Variants in ADAMTSL1 observed in about 807,000 individuals in gnomAD.
ADAMTSL1 encodes ADAMTS-like protein 1.
ADAMTSL1 carries 126 observed loss-of-function variants against 201.8 expected under a neutral mutation model. The ratio of observed to expected loss-of-function variants is 0.62; its 90% confidence interval spans 0.54 to 0.72. ADAMTSL1 has a LOEUF of 0.72. Ranked by LOEUF, ADAMTSL1 falls within the 30% of genes least tolerant of loss-of-function variation. ADAMTSL1 has a pLI of 0.00. For missense variants in ADAMTSL1, 2,679 were observed against 2,277.8 expected (o/e 1.18, Z -3.59); for synonymous variants, 1,121 against 903.4 (o/e 1.24, Z -4.32).
intron 2 of ADAMTSL1, among the ~76,000 whole-genome samples, chr9:18,423,630 A>G (rs1485053659): frequency 1.3e-5 from 2 of 152,342 alleles, no homozygotes; most frequent in East Asian, 1.9e-4. Flanking sequence ...AACATAAAGA[A>G]AGCAACATAA....
At chr9:18,296,933 T>G (rs2383067) in intron 2 of ADAMTSL1, among the ~76,000 whole-genome samples, 2,219 of 152,278 alleles carry the variant, frequency 0.015, 63 homozygotes, top group African/African-American at 0.051. Context: ...TGCTGGCAAA[T>G]GCTGAAGTTG....
intron 2 of ADAMTSL1, among the ~76,000 whole-genome samples, chr9:18,367,251 C>A (rs1836808531): frequency 6.6e-6 from 1 of 152,114 alleles, no homozygotes; most frequent in Non-Finnish European, 1.5e-5. Context: ...TAAAACAAAT[C>A]TAAGATACAA....
rs114613313 is a variant in ADAMTSL1 at position 18,878,528 on chromosome 9, A to G, written c.4250-9303A>G. On this transcript the variant is annotated intron_variant, in intron 23 of 28. Coordinates refer to ENST00000380548, the MANE Select transcript of ADAMTSL1 (RefSeq NM_001040272.6). ...CTCTAAATTAATCTCAGCTCCTGGT[A>G]AGGTCAAATCCTTCTCCTGTGATCT... Among the ~76,000 whole-genome samples the G allele has an allele frequency of 1.6e-3, 245 of 152,262 alleles. 2 individuals are homozygous for G. The highest frequency in any genetic ancestry group is 4.5e-3 in the African/African-American group (187 of 41,548).
At chr9:18,702,430 G>C (rs1001070447) in intron 13 of ADAMTSL1, among the ~76,000 whole-genome samples, 21 of 152,216 alleles carry the variant, frequency 1.4e-4, no homozygotes, top group Non-Finnish European at 3.1e-4. Flanking sequence ...CTCTATACTA[G>C]TCACTAATGA....
At chr9:17,973,978 G>A (rs544365140) in intron 1 of ADAMTSL1, among the ~76,000 whole-genome samples, 86 of 151,642 alleles carry the variant, frequency 5.7e-4, no homozygotes, top group African/African-American at 2.0e-3. Context: ...TCTGTTATTG[G>A]TGTATAAGAA....
chr9:18,761,370 G>T (rs2117193), intron 16 of ADAMTSL1, among the ~76,000 whole-genome samples: 1 of 151,922 alleles, frequency 6.6e-6, no homozygotes, highest in Non-Finnish European at 1.5e-5. Context: ...GTGTAGAGAC[G>T]TAATTGTTTT....
chr9:18,304,949 G>A (rs1479474668), intron 2 of ADAMTSL1, among the ~76,000 whole-genome samples: 1 of 148,080 alleles, frequency 6.8e-6, no homozygotes, highest in Non-Finnish European at 1.5e-5. Flanking sequence ...CCGATCTGCA[G>A]CTCCCAGCGT....
chr9:18,153,700 C>T (rs1314369838), intron 1 of ADAMTSL1, among the ~76,000 whole-genome samples: 1 of 151,992 alleles, frequency 6.6e-6, no homozygotes, highest in Non-Finnish European at 1.5e-5. Context: ...GGAATAAAGT[C>T]ATTACGCTTA....
intron 10 of ADAMTSL1, among the ~76,000 whole-genome samples, chr9:18,679,260 T>G (rs563262020): frequency 1.3e-5 from 2 of 152,216 alleles, no homozygotes; most frequent in African/African-American, 4.8e-5. Flanking sequence ...AGTGACATTT[T>G]GTTTCTCTCA....
chr9:18,440,549 G>A (rs1267380327), intron 2 of ADAMTSL1, among the ~76,000 whole-genome samples: 1 of 150,750 alleles, frequency 6.6e-6, no homozygotes, highest in African/African-American at 2.4e-5. Context: ...AAATTTTTAG[G>A]TAAATAAAAA....
Position 17,930,488 on chromosome 9 carries a change from C to T in ADAMTSL1, c.87+23566C>T, listed in dbSNP as rs541239450. Among the ~76,000 whole-genome samples, 3 of 152,222 alleles carry T rather than the reference C, an allele frequency of 2.0e-5. No individual in the cohort carries two copies. The South Asian group carries it at 6.2e-4, about 32-fold the overall frequency. On this transcript the variant is annotated intron_variant, in intron 1 of 29. Coordinates refer to the ADAMTSL1 transcript ENST00000680146. ...AGAAATCAGTTTCATGGTCATACCT[C>T]CCAGCAAGGGAGGCTGGGAGGATAG...
At chr9:18,311,074 AACC>A (rs1834134237) in intron 2 of ADAMTSL1, among the ~76,000 whole-genome samples, 1 of 152,064 alleles carries the variant, frequency 6.6e-6, no homozygotes, top group African/African-American at 2.4e-5. Flanking sequence ...TGAAGCTGGA[AACC>A]ATCATTCTCA....
chr9:18,737,244 G>A (rs1249909591), intron 15 of ADAMTSL1, among the ~76,000 whole-genome samples: 9 of 150,818 alleles, frequency 6.0e-5, no homozygotes, highest in Non-Finnish European at 2.9e-5. Context: ...ACTTGAACCC[G>A]GGAGGTGGAG....
In ADAMTSL1 at chr9:18,289,135, G is replaced by GTCTATCTATCTA. The variant is rs10622385; in HGVS notation, c.207+125183_207+125194dup. Among the ~76,000 whole-genome samples the GTCTATCTATCTA allele has an allele frequency of 1.0e-3, 145 of 145,302 alleles. 1 individual carries two copies. The highest frequency in any genetic ancestry group is 1.8e-3 in the East Asian group (9 of 4,988). On this transcript the variant is annotated intron_variant, in intron 2 of 29. Coordinates refer to the ADAMTSL1 transcript ENST00000680146. ...ATCTTATTGGTGTATATATATGTCT[G>GTCTATCTATCTA]TCTATCTATCTATCTATCTATCTAT...
At chr9:18,828,029 C>A (rs138117696) in intron 22 of ADAMTSL1, among the ~76,000 whole-genome samples, 1 of 152,320 alleles carries the variant, frequency 6.6e-6, no homozygotes, top group African/African-American at 2.4e-5. Flanking sequence ...GATTTCACCC[C>A]AAGTTCCGTG....
chr9:18,334,700 T>A (rs1419784883), intron 2 of ADAMTSL1, among the ~76,000 whole-genome samples: 1 of 152,016 alleles, frequency 6.6e-6, no homozygotes, highest in Non-Finnish European at 1.5e-5. Context: ...ACAAATAGAG[T>A]CTGTTATCAA....
intron 2 of ADAMTSL1, among the ~76,000 whole-genome samples, chr9:18,468,244 G>A (rs141479405): frequency 6.8e-4 from 104 of 152,186 alleles, no homozygotes; most frequent in Non-Finnish European, 1.2e-3. Flanking sequence ...AGAAGATCAA[G>A]GACCGCAGGT....
chr9:18,324,995 T>C (rs1033244124), intron 2 of ADAMTSL1, among the ~76,000 whole-genome samples: 1 of 152,052 alleles, frequency 6.6e-6, no homozygotes, highest in African/African-American at 2.4e-5. Flanking sequence ...ATATAAACAA[T>C]GTTATCAGCA....
chr9:18,269,595 A>T (rs1487925720), intron 2 of ADAMTSL1, among the ~76,000 whole-genome samples: 1 of 152,174 alleles, frequency 6.6e-6, no homozygotes, highest in Non-Finnish European at 1.5e-5. Flanking sequence ...AACCAATTAG[A>T]TCATAATAAT....
Sources: allele counts gnomAD v4.1 joint callset (sites outside exome capture counted in the v4.1 genomes callset), GRCh38; gene constraint gnomAD v4.1.1; transcripts MANE v1.5; gene names NCBI Gene and HGNC (gene_info 2026-07-23, HGNC 2026-07-21).